The following MYOM1 variants were observed in gnomAD, a reference collection of about 807,000 sequenced individuals.
MYOM1 encodes myomesin 1.
A neutral mutation model predicts 205.3 loss-of-function variants in MYOM1; 164 were observed. That is an observed-to-expected ratio of 0.80 (90% confidence interval 0.70 to 0.91). The LOEUF is 0.91. MYOM1 is among the 40% of genes least tolerant of loss of function. The pLI, the probability that MYOM1 is intolerant of heterozygous loss-of-function variation, is 0.00. For synonymous variants in MYOM1, 772 were observed against 789.4 expected (o/e 0.98, Z 0.37); for missense variants, 2,011 against 2,127.3 (o/e 0.95, Z 1.08).
intron 33 of MYOM1, among the ~76,000 whole-genome samples, chr18:3,082,428 A>G (rs961281407): frequency 2.0e-5 from 3 of 152,146 alleles, no homozygotes; most frequent in Non-Finnish European, 4.4e-5. Context: ...AGGAGCACCT[A>G]CCATGTAGAA....
Position 3,100,732 on chromosome 18 carries a change from C to T in MYOM1, c.3576-306G>A, listed in dbSNP as rs560031581. Among the ~76,000 whole-genome samples the T allele has an allele frequency of 1.2e-4, 19 of 152,324 alleles. No homozygotes were observed. The East Asian group carries it at 3.7e-3, about 29-fold the overall frequency. On this transcript the variant is annotated intron_variant, in intron 23 of 37. Transcript: ENST00000356443. ...AGAAAAATACCCAGCTGATCAGTCC[C>T]TGCTGGGAGCCAGACACTTCCCCCG...
At chr18:3,193,381 C>CACACAA (rs139388864) in intron 3 of MYOM1, among the ~76,000 whole-genome samples, 12 of 141,470 alleles carry the variant, frequency 8.5e-5, no homozygotes, top group South Asian at 4.4e-4. Context: ...CACACACACA[C>CACACAA]AATAATAAAA....
At chr18:3,097,286 C>A (rs970548834) in intron 25 of MYOM1, among the ~76,000 whole-genome samples, 1 of 152,168 alleles carries the variant, frequency 6.6e-6, no homozygotes, top group South Asian at 2.1e-4. Context: ...ACCTTGTGAC[C>A]TCATTGGTCT....
intron 2 of MYOM1, among the ~76,000 whole-genome samples, chr18:3,199,976 G>A (rs2144203045): frequency 6.6e-6 from 1 of 152,232 alleles, no homozygotes; most frequent in South Asian, 2.1e-4. Context: ...TGCAAACACA[G>A]TGTGATTCCT....
At chr18:3,127,305 A>ATATATATATATATTT (rs56880961) in intron 18 of MYOM1, among the ~76,000 whole-genome samples, 5 of 47,566 alleles carry the variant, frequency 1.1e-4, no homozygotes, top group South Asian at 8.8e-4. Flanking sequence ...ATATATATAT[A>ATATATATATATATTT]TTTTTTTTTT....
At chr18:3,233,018 T>A in the MYOM1 span, among the ~76,000 whole-genome samples, 1 of 152,218 alleles carries the variant, frequency 6.6e-6, no homozygotes, top group Non-Finnish European at 1.5e-5. Flanking sequence ...CATTTTATAA[T>A]GGAAAGAGCA....
intron 8 of MYOM1, among the ~76,000 whole-genome samples, chr18:3,173,315 A>G (rs1314614530): frequency 6.6e-6 from 1 of 152,146 alleles, no homozygotes; most frequent in African/African-American, 2.4e-5. Flanking sequence ...TCATTTCATT[A>G]TTGAATACCC....
chr18:3,209,883 C>T lies in MYOM1; in HGVS notation c.290+5051G>A, dbSNP rs2081170583. Among the ~76,000 whole-genome samples, 1 of 152,192 alleles carries T rather than the reference C, an allele frequency of 6.6e-6. No homozygotes were observed. Among genetic ancestry groups the T allele is most frequent in the Non-Finnish European group, 1.5e-5 (1 of 68,036 alleles). On this transcript the variant is annotated intron_variant, in intron 2 of 37. Coordinates refer to ENST00000356443, the MANE Select transcript of MYOM1 (RefSeq NM_003803.4). The surrounding 1 kb of genome is among the most constrained non-coding windows in gnomAD (Gnocchi z 4.0). Reference sequence around the variant, plus strand: ...CCTTCTGGTATAAAATATAATTCTACTTAATATAATAGATTCAATACAATG... The same window carrying T: ...CCTTCTGGTATAAAATATAATTCTATTTAATATAATAGATTCAATACAATG...
chr18:3,236,592 A>T, the MYOM1 span: 1 of 152,272 alleles, frequency 6.6e-6, no homozygotes, highest in Non-Finnish European at 1.5e-5. Flanking sequence ...GACAAACAGG[A>T]TGAGCAGGTT....
At chr18:3,128,659 T>C (rs1256890955) in intron 18 of MYOM1, among the ~76,000 whole-genome samples, 2 of 152,164 alleles carry the variant, frequency 1.3e-5, no homozygotes, top group Non-Finnish European at 2.9e-5. Flanking sequence ...CTATTTAGAT[T>C]ATTATTATTT....
rs2080882203 is a variant in MYOM1, at chr18:3,189,995, G to A, written c.432-908C>T. ...TTCTTTCTAAGATAATACATGTTGT[G>A]TGTGCATATACTATGTGTGTACCTA... On this transcript the variant is annotated intron_variant, in intron 3 of 37. Coordinates refer to ENST00000356443, the MANE Select transcript of MYOM1 (RefSeq NM_003803.4). This position sits in a 1 kb window ranked among gnomAD's most constrained non-coding sequence, Gnocchi z 4.8. 6.6e-6 allele frequency among the ~76,000 whole-genome samples: 1 copy of A among 152,112 alleles called. No individual in the cohort carries two copies. Among genetic ancestry groups the A allele is most frequent in the South Asian group, 2.1e-4 (1 of 4,820 alleles).
At chr18:3,202,659 T>G (rs2081082533) in intron 2 of MYOM1, among the ~76,000 whole-genome samples, 3 of 151,854 alleles carry the variant, frequency 2.0e-5, no homozygotes, top group Admixed American at 2.0e-4. Context: ...CCAAAATACA[T>G]AAAGCAAAAA....
chr18:3,199,041 G>A (rs900958753), intron 2 of MYOM1, among the ~76,000 whole-genome samples: 7 of 152,124 alleles, frequency 4.6e-5, no homozygotes, highest in Non-Finnish European at 7.3e-5. Flanking sequence ...CTGAGAATTC[G>A]CTATTCATAG....
intron 37 of MYOM1, among the ~76,000 whole-genome samples, chr18:3,069,405 G>A (rs1281645521): frequency 1.3e-5 from 2 of 152,286 alleles, no homozygotes; most frequent in Middle Eastern, 3.4e-3. Context: ...ACAATGTACA[G>A]AGAAAGAACA....
intron 20 of MYOM1, among the ~76,000 whole-genome samples, chr18:3,118,448 C>A (rs931215678): frequency 2.0e-5 from 3 of 152,070 alleles, no homozygotes; most frequent in Non-Finnish European, 2.9e-5. Context: ...TGAGCTCAAG[C>A]AATCCTCCTG....
intron 30 of MYOM1, 50 bp from the exon 31 acceptor site, chr18:3,085,182 C>T (rs779411239): frequency 1.7e-5 from 17 of 979,346 alleles, no homozygotes; most frequent in African/African-American, 3.6e-5. Flanking sequence ...CCCCAGGGCA[C>T]GGTATCTGTG....
chr18:3,120,510 G>A (rs1002864356), intron 19 of MYOM1, among the ~76,000 whole-genome samples: 4 of 152,146 alleles, frequency 2.6e-5, no homozygotes, highest in African/African-American at 9.7e-5. Context: ...CCAACAACCT[G>A]AGCGGGCTTG....
chr18:3,090,745 G>T lies in MYOM1; in HGVS notation c.3922C>A (p.Leu1308Ile), dbSNP rs761327552. 6.2e-7 allele frequency: 1 copy of T among 1,613,864 alleles called. No individual in the cohort carries two copies. The highest frequency in any genetic ancestry group is 1.1e-5 in the South Asian group (1 of 91,074). Residue 1308 changes from leucine (L) to isoleucine (I), a missense_variant, in exon 27 of 38, where the codon CTA (leucine) becomes ATA (isoleucine). Leu to Ile is a conservative substitution (Grantham distance 5). Coordinates refer to ENST00000356443, the MANE Select transcript of MYOM1 (RefSeq NM_003803.4). ...TACGTTCCCTCATCCTCATCCTGTA[G>T]CTTTTCCATGAACATTTCGATGATG... is the stretch of plus-strand genomic sequence containing the variant. ...TGIIEMFMEK[L>I]QDEDEGTYTF...
intron 19 of MYOM1, among the ~76,000 whole-genome samples, chr18:3,123,991 C>T (rs1288574203): frequency 6.6e-6 from 1 of 151,184 alleles, no homozygotes; most frequent in African/African-American, 2.5e-5. Flanking sequence ...TGAGAGCCAC[C>T]ACTCCTGGCT....
Sources: gnomAD v4.1 joint callset for allele counts (sites outside exome capture counted in the v4.1 genomes callset) on GRCh38, gnomAD v4.1.1 for gene constraint, Gnocchi (gnomAD v3.1) non-coding constraint, MANE v1.5 for transcripts, NCBI Gene and HGNC (gene_info 2026-07-23, HGNC 2026-07-21) for gene names.